The following UNC79 variants were observed in gnomAD, a reference collection of about 807,000 sequenced individuals.
UNC79 encodes unc-79 subunit of NALCN channel complex, also known as protein unc-79 homolog.
A neutral mutation model predicts 283.1 loss-of-function variants in UNC79; 37 were observed. The ratio of observed to expected loss-of-function variants is 0.13; its 90% CI spans 0.10 to 0.17. The LOEUF (loss-of-function observed/expected upper bound fraction) is 0.17. Ranked by LOEUF, UNC79 falls within the 10% of genes least tolerant of loss-of-function variation. The pLI is 1.00. For synonymous variants in UNC79, 1,107 were observed against 1,200.2 expected, an observed-to-expected ratio of 0.92 and a Z score of 1.61; for missense variants, 2,272 against 3,211.1, an observed-to-expected ratio of 0.71 and a Z score of 7.07.
intron 5 of UNC79, among the ~76,000 whole-genome samples, chr14:93,493,890 TATATATATA>T (rs1566998201): frequency 2.8e-5 from 2 of 70,842 alleles, no homozygotes; most frequent in African/African-American, 1.0e-4. Flanking sequence ...TATATATATA[TATATATATA>T]TATTTTTTTT....
intron 1 of UNC79, among the ~76,000 whole-genome samples, chr14:93,357,712 T>TGG (rs1454630529): frequency 1.6e-5 from 2 of 128,356 alleles, no homozygotes; most frequent in East Asian, 2.1e-4. Flanking sequence ...TATATATATA[T>TGG]ATATATATGG....
chr14:93,622,117 C>G, exon 30 of UNC79: 1 of 1,614,154 alleles, frequency 6.2e-7, no homozygotes, highest in East Asian at 2.2e-5. Flanking sequence ...CAACCTCCGA[C>G]AGCGACTCTC....
intron 1 of UNC79, among the ~76,000 whole-genome samples, chr14:93,340,441 C>CAAAAAAAAAAAAAAAAAAAA (rs1193751068): frequency 1.6e-5 from 1 of 64,448 alleles, no homozygotes; most frequent in African/African-American, 5.5e-5. Flanking sequence ...AACGCTGTCT[C>CAAAAAAAAAAAAAAAAAAAA]AAAAAAAAAA....
chr14:93,408,393 T>G (rs957333387), intron 1 of UNC79, among the ~76,000 whole-genome samples: 2 of 152,160 alleles, frequency 1.3e-5, no homozygotes, highest in Admixed American at 6.5e-5. Flanking sequence ...TGGACTTTAG[T>G]TAATAATACC....
intron 20 of UNC79, among the ~76,000 whole-genome samples, chr14:93,585,883 CT>C (rs1233052037): frequency 0.02 from 2,774 of 138,174 alleles, 68 homozygotes; most frequent in African/African-American, 0.067. Context: ...CTCTCTCTCT[CT>C]TTTTTTTTTT....
chr14:93,366,303 T>C (rs755539667), intron 1 of UNC79, among the ~76,000 whole-genome samples: 3 of 152,188 alleles, frequency 2.0e-5, no homozygotes, highest in Non-Finnish European at 4.4e-5. Context: ...ATAAATGTTA[T>C]CACAAATGAG....
chr14:93,637,192 C>A, intron 31 of UNC79, 24 bp from the exon 35 acceptor site: 3 of 1,023,224 alleles, frequency 2.9e-6, no homozygotes, highest in Non-Finnish European at 4.7e-6. Flanking sequence ...ACATCAAAGA[C>A]TGAAACCCTC....
chr14:93,706,750 A>G (rs1415802676), exon 49 of UNC79: 2 of 1,614,118 alleles, frequency 1.2e-6, no homozygotes, highest in African/African-American at 2.7e-5. Flanking sequence ...ATTCAGAACC[A>G]CGTGAACCAC....
intron 1 of UNC79, among the ~76,000 whole-genome samples, chr14:93,415,504 G>A (rs1310575079): frequency 2.4e-4 from 36 of 151,728 alleles, no homozygotes; most frequent in African/African-American, 7.3e-4. Context: ...GTCTCTGCCC[G>A]GCTTTGGTAT....
At chr14:93,498,605 A>C (rs2059139539) in intron 7 of UNC79, among the ~76,000 whole-genome samples, 1 of 151,882 alleles carries the variant, frequency 6.6e-6, no homozygotes, top group Non-Finnish European at 1.5e-5. Context: ...AACAAACAAA[A>C]AAATGACCCC....
chr14:93,497,492 G>T (rs1452908228), intron 7 of UNC79, among the ~76,000 whole-genome samples: 1 of 152,186 alleles, frequency 6.6e-6, no homozygotes, highest in Non-Finnish European at 1.5e-5. Context: ...AGGGCAAATT[G>T]CCTTAAGTCT....
rs1364703240 is a variant in UNC79 at position 93,531,687 on chromosome 14, TAC to T, written c.1094-861_1094-860del. Reference sequence around the variant, plus strand: ...GGTAGTCCAAGTTAGTAATTTTGTCTACAGTTTTGATATTGCAAATAATCCGA... The same window carrying T: ...GGTAGTCCAAGTTAGTAATTTTGTCTAGTTTTGATATTGCAAATAATCCGA... On this transcript the variant is annotated intron_variant, in intron 10 of 48. Transcript: ENST00000555664. This position sits in a 1 kb window ranked among gnomAD's most constrained non-coding sequence, Gnocchi z 4.2. Among the ~76,000 whole-genome samples, 1 of 152,230 alleles carries T rather than the reference TAC, an allele frequency of 6.6e-6. No homozygotes were observed. Among genetic ancestry groups the T allele is most frequent in the Admixed American group, 6.5e-5 (1 of 15,288 alleles).
At chr14:93,562,590 T>C (rs1432105641) in intron 14 of UNC79, among the ~76,000 whole-genome samples, 1 of 152,168 alleles carries the variant, frequency 6.6e-6, no homozygotes, top group East Asian at 1.9e-4. Flanking sequence ...TGTTCTACCT[T>C]TCCTGAAGAT....
chr14:93,597,378 T>C, exon 24 of UNC79: 1 of 1,614,018 alleles, frequency 6.2e-7, no homozygotes, highest in Non-Finnish European at 8.5e-7. Flanking sequence ...TTGCTGTAAT[T>C]TGTAGATTTC....
intron 26 of UNC79, among the ~76,000 whole-genome samples, chr14:93,610,432 A>G (rs1391252517): frequency 6.6e-6 from 1 of 152,164 alleles, no homozygotes; most frequent in Non-Finnish European, 1.5e-5. Flanking sequence ...AAAGGAGTTG[A>G]AGATTGAAGC....
chr14:93,679,199 G>A (rs975006787), intron 41 of UNC79, among the ~76,000 whole-genome samples: 9 of 152,120 alleles, frequency 5.9e-5, no homozygotes, highest in African/African-American at 7.2e-5. Context: ...GGTGCCTCAC[G>A]CCTGTAATCC....
intron 1 of UNC79, among the ~76,000 whole-genome samples, chr14:93,454,855 T>C (rs923656100): frequency 2.0e-5 from 3 of 152,236 alleles, no homozygotes; most frequent in Non-Finnish European, 4.4e-5. Flanking sequence ...CATTTTGCTT[T>C]TCACATGTTA....
At chr14:93,409,101 T>C (rs2055284552) in intron 1 of UNC79, among the ~76,000 whole-genome samples, 1 of 152,202 alleles carries the variant, frequency 6.6e-6, no homozygotes, top group Non-Finnish European at 1.5e-5. Context: ...ATAATAATTA[T>C]AATAATTGTA....
At chr14:93,614,466 G>A (rs1221265374) in intron 27 of UNC79, among the ~76,000 whole-genome samples, 2 of 151,800 alleles carry the variant, frequency 1.3e-5, no homozygotes, top group East Asian at 1.9e-4. Flanking sequence ...ACAGGCACCC[G>A]CCACCACGCT....
Sources: gnomAD v4.1 joint callset for allele counts (sites outside exome capture counted in the v4.1 genomes callset) on GRCh38, gnomAD v4.1.1 for gene constraint, Gnocchi (gnomAD v3.1) non-coding constraint, MANE v1.5 for transcripts, NCBI Gene and HGNC (gene_info 2026-07-23, HGNC 2026-07-21) for gene names.